The following CCDC30 variants were observed in gnomAD, a reference collection of about 807,000 sequenced individuals.
CCDC30 encodes the protein coiled-coil domain-containing protein 30.
In CCDC30, 70 loss-of-function variants were observed where a neutral mutation model predicts 100.2. The ratio of observed to expected loss-of-function variants is 0.70; its 90% CI spans 0.58 to 0.85. The LOEUF is 0.85. Among genes scored for constraint, CCDC30 ranks in the 40% least tolerant of loss-of-function variants. The pLI, the probability that CCDC30 is intolerant of heterozygous loss-of-function variation, is 0.00. For synonymous variants in CCDC30, 233 were observed against 269.5 expected, an observed-to-expected ratio of 0.86 and a Z score of 1.33; for missense variants, 652 against 771.2, an observed-to-expected ratio of 0.85 and a Z score of 1.83.
chr1:42,569,021 A>G (rs1645672613), intron 7 of CCDC30: 2 of 152,182 alleles, frequency 1.3e-5, no homozygotes, highest in East Asian at 3.8e-4. Context: ...TGAGACTAAG[A>G]AACAAAAACA....
intron 11 of CCDC30, among the ~76,000 whole-genome samples, chr1:42,634,392 C>G (rs1647108351): frequency 6.6e-6 from 1 of 152,030 alleles, no homozygotes; most frequent in African/African-American, 2.4e-5. Context: ...AATGATGCTA[C>G]TAAGCATTCT....
At chr1:42,544,826 A>G (rs1645089881) in intron 6 of CCDC30, among the ~76,000 whole-genome samples, 1 of 152,124 alleles carries the variant, frequency 6.6e-6, no homozygotes, top group South Asian at 2.1e-4. Flanking sequence ...CTTTTAATAA[A>G]TTCTTCAGCT....
At chr1:42,529,086 A>G (rs778355368) in intron 6 of CCDC30, among the ~76,000 whole-genome samples, 8 of 152,202 alleles carry the variant, frequency 5.3e-5, no homozygotes, top group Non-Finnish European at 1.0e-4. Flanking sequence ...TAATCCTTTC[A>G]CTTACATCAT....
intron 6 of CCDC30, among the ~76,000 whole-genome samples, chr1:42,551,983 C>T (rs1645261583): frequency 6.6e-6 from 1 of 151,806 alleles, no homozygotes; most frequent in African/African-American, 2.4e-5. Context: ...CCAGGCTGGT[C>T]TCGAACTCCT....
intron 7 of CCDC30, among the ~76,000 whole-genome samples, chr1:42,567,350 AAT>A: frequency 6.6e-6 from 1 of 152,352 alleles, no homozygotes; most frequent in South Asian, 2.1e-4. Context: ...CAAAGTCTAA[AAT>A]ATTTACTACC....
At chr1:42,499,002 T>A (rs2148476465) in intron 6 of CCDC30, 86 bp downstream of exon 6, 1 of 623,868 alleles carries the variant, frequency 1.6e-6, no homozygotes, top group East Asian at 3.5e-5. Flanking sequence ...TTGGTGCTAA[T>A]CATTTGCTAC....
At chr1:42,546,638 CAG>C (rs1311153775) in intron 6 of CCDC30, among the ~76,000 whole-genome samples, 2 of 151,470 alleles carry the variant, frequency 1.3e-5, no homozygotes, top group South Asian at 2.1e-4. Flanking sequence ...CTATACTCTG[CAG>C]AGTTTGTTTT....
At chr1:42,537,835 G>C (rs534690020) in intron 6 of CCDC30, 1 of 157,526 alleles carries the variant, frequency 6.3e-6, no homozygotes, top group South Asian at 1.9e-4. Flanking sequence ...CAGGCGTGGT[G>C]GTGCATGCCT....
At chr1:42,504,803 C>T (rs1049204880) in intron 6 of CCDC30, among the ~76,000 whole-genome samples, 10 of 152,204 alleles carry the variant, frequency 6.6e-5, no homozygotes, top group Admixed American at 5.2e-4. Flanking sequence ...TTTAAACAAG[C>T]AGTTATTCTC....
At chr1:42,653,863 G>A (rs41269503) in exon 17 of CCDC30, 1 of 1,614,072 alleles carries the variant, frequency 6.2e-7, no homozygotes, top group Non-Finnish European at 8.5e-7. Flanking sequence ...GTCTTCAAGA[G>A]ACTGAAGAGA....
At chr1:42,505,377 G>T (rs570702428) in intron 6 of CCDC30, among the ~76,000 whole-genome samples, 2 of 152,016 alleles carry the variant, frequency 1.3e-5, no homozygotes, top group South Asian at 4.2e-4. Context: ...ATCATTACTT[G>T]ATTCACAAGA....
At chr1:42,577,210 T>C in exon 8 of CCDC30, 1 of 1,613,084 alleles carries the variant, frequency 6.2e-7, no homozygotes, top group Non-Finnish European at 8.5e-7. Context: ...AAATCTAAAG[T>C]TGCTGATGCA....
rs543517076 is a variant in CCDC30, at chr1:42,481,038, G to A, written c.15+472G>A. Reference sequence around the variant, plus strand: ...AGGTGGGAGGATTGCTTGAGCCCAGGAGTTGGAGTCTGCAGTGAGCTATGG... The same window carrying A: ...AGGTGGGAGGATTGCTTGAGCCCAGAAGTTGGAGTCTGCAGTGAGCTATGG... On this transcript the variant is annotated intron_variant, in intron 2 of 16. Coordinates refer to ENST00000668663, the Ensembl canonical transcript of CCDC30. Among the ~76,000 whole-genome samples, 6 of 152,026 alleles carry A rather than the reference G, an allele frequency of 3.9e-5. No homozygotes were observed. In the South Asian group the frequency reaches 1.2e-3, roughly 32 times the overall value.
At chr1:42,556,189 T>C in intron 6 of CCDC30, 1 of 1,613,562 alleles carries the variant, frequency 6.2e-7, no homozygotes, top group Non-Finnish European at 8.5e-7. Flanking sequence ...AGAAGGAAAT[T>C]CCAGAGGAGT....
chr1:42,542,086 C>T (rs192617468), intron 6 of CCDC30, among the ~76,000 whole-genome samples: 17 of 152,264 alleles, frequency 1.1e-4, no homozygotes, highest in African/African-American at 3.6e-4. Context: ...TTAAACATGG[C>T]TGATTATTAA....
At chr1:42,487,276 G>A (rs976052677) in intron 3 of CCDC30, among the ~76,000 whole-genome samples, 1 of 152,084 alleles carries the variant, frequency 6.6e-6, no homozygotes, top group African/African-American at 2.4e-5. Context: ...AAAAACCATT[G>A]AATTGTCCAC....
At chr1:42,563,294 G>A (rs917720218) in intron 6 of CCDC30, among the ~76,000 whole-genome samples, 1 of 152,172 alleles carries the variant, frequency 6.6e-6, no homozygotes, top group Non-Finnish European at 1.5e-5. Flanking sequence ...ATGATATCAT[G>A]TCCTTTGCAG....
At chr1:42,560,362 T>C (rs1192807283) in intron 6 of CCDC30, among the ~76,000 whole-genome samples, 1 of 151,942 alleles carries the variant, frequency 6.6e-6, no homozygotes, top group African/African-American at 2.4e-5. Context: ...GCTGTTTTTA[T>C]TGTTGTTGTT....
intron 6 of CCDC30, among the ~76,000 whole-genome samples, chr1:42,503,064 T>G (rs1054369115): frequency 6.6e-6 from 1 of 152,114 alleles, no homozygotes; most frequent in Non-Finnish European, 1.5e-5. Flanking sequence ...TGTGATTTTT[T>G]AGTAAAGACA....
Sources: gnomAD v4.1 joint callset for allele counts (sites outside exome capture counted in the v4.1 genomes callset) on GRCh38, gnomAD v4.1.1 for gene constraint, MANE v1.5 for transcripts, NCBI Gene and HGNC (gene_info 2026-07-23, HGNC 2026-07-21) for gene names.